The following PDE10A variants were observed in gnomAD, a reference collection of about 807,000 sequenced individuals.
PDE10A encodes cAMP and cAMP-inhibited cGMP 3',5'-cyclic phosphodiesterase 10A.
A neutral mutation model predicts 97.7 loss-of-function variants in PDE10A; 39 were observed. The ratio of observed to expected loss-of-function variants is 0.40; its 90% CI spans 0.31 to 0.52. The LOEUF (loss-of-function observed/expected upper bound fraction) is 0.52. Among genes scored for constraint, PDE10A ranks in the 20% least tolerant of loss-of-function variants. The pLI, the probability that PDE10A is intolerant of heterozygous loss-of-function variation, is 0.56. For synonymous variants in PDE10A, 371 were observed against 376.8 expected (o/e 0.98, Z 0.18); for missense variants, 731 against 1,047.8 (o/e 0.70, Z 4.17).
At chr6:165,787,807 G>A (rs1171631614) in intron 1 of PDE10A, among the ~76,000 whole-genome samples, 3 of 152,270 alleles carry the variant, frequency 2.0e-5, no homozygotes, top group East Asian at 1.9e-4. Context: ...ACTCCACTGC[G>A]AAGTCAATCT....
At chr6:165,902,030 T>C (rs13205591) in intron 1 of PDE10A, among the ~76,000 whole-genome samples, 5,228 of 152,294 alleles carry the variant, frequency 0.034, 104 homozygotes, top group Non-Finnish European at 0.048. Flanking sequence ...TGTTCTTACC[T>C]CATTTGTGTG....
chr6:165,333,838 T>G (rs1781483986), intron 21 of PDE10A, among the ~76,000 whole-genome samples: 1 of 152,202 alleles, frequency 6.6e-6, no homozygotes, highest in Non-Finnish European at 1.5e-5. Context: ...ATGGCTACCC[T>G]GGCAGAGCTC....
chr6:165,806,703 A>G (rs1044672440), intron 1 of PDE10A, among the ~76,000 whole-genome samples: 2 of 151,902 alleles, frequency 1.3e-5, no homozygotes, highest in Non-Finnish European at 2.9e-5. Context: ...AGTGCAGCCA[A>G]TGTGACTTGC....
intron 1 of PDE10A, among the ~76,000 whole-genome samples, chr6:165,598,845 C>T (rs535372005): frequency 4.6e-5 from 7 of 152,216 alleles, no homozygotes; most frequent in South Asian, 2.1e-4. Context: ...TCTTGCCAGC[C>T]GCTGGGAGGC....
chr6:165,768,001 T>C (rs551727914), intron 1 of PDE10A, among the ~76,000 whole-genome samples: 1 of 152,336 alleles, frequency 6.6e-6, no homozygotes, highest in East Asian at 1.9e-4. Context: ...TGGGACCTAA[T>C]TGTGGTTTTG....
Position 165,428,557 on chromosome 6 carries a change from T to G in PDE10A, c.1653+101A>C, listed in dbSNP as rs1350377620. Reference sequence around the variant, plus strand: ...CTAAGCCACCACATTTTCATAATATTGAAAGTGCCTGTGGATGAATAAGTT... The same window carrying G: ...CTAAGCCACCACATTTTCATAATATGGAAAGTGCCTGTGGATGAATAAGTT... On this transcript the variant is annotated intron_variant, in intron 10 of 21. Coordinates refer to ENST00000539869, the MANE Select transcript of PDE10A (RefSeq NM_001385079.1). 6 of 621,940 alleles carry G rather than the reference T, an allele frequency of 9.6e-6. No individual in the cohort carries two copies. The Admixed American group carries it at 1.5e-4, about 15-fold the overall frequency. 38.5% of individuals were successfully genotyped at this position (621,940 alleles called of 1,614,324 possible).
intron 1 of PDE10A, chr6:165,946,774 T>C (rs1011571618): frequency 6.6e-6 from 1 of 152,232 alleles, no homozygotes; most frequent in Non-Finnish European, 1.5e-5. Context: ...AGAAATTTAA[T>C]AATTAAAATA....
chr6:165,968,286 C>T (rs1269386350), intron 1 of PDE10A, among the ~76,000 whole-genome samples: 1 of 152,176 alleles, frequency 6.6e-6, no homozygotes, highest in Non-Finnish European at 1.5e-5. Flanking sequence ...ATGAAACCAT[C>T]GCAGGTCATT....
At chr6:165,840,916 A>G (rs541546840) in intron 1 of PDE10A, among the ~76,000 whole-genome samples, 1 of 152,260 alleles carries the variant, frequency 6.6e-6, no homozygotes, top group South Asian at 2.1e-4. Context: ...GGGGCTCAGC[A>G]CCCCATTTTG....
chr6:165,627,371 G>A (rs1033701), intron 1 of PDE10A, among the ~76,000 whole-genome samples: 44,767 of 151,968 alleles, frequency 0.29, 6,836 homozygotes, highest in Middle Eastern at 0.44. Flanking sequence ...ATAATTTCCC[G>A]CAAGTATACT....
At chr6:165,399,763 T>G (rs1198399071) in intron 13 of PDE10A, among the ~76,000 whole-genome samples, 2 of 152,204 alleles carry the variant, frequency 1.3e-5, no homozygotes, top group Non-Finnish European at 2.9e-5. Context: ...ACTCATCATT[T>G]TTTATGGCTG....
chr6:165,448,458 C>T (rs1791025480), intron 5 of PDE10A, among the ~76,000 whole-genome samples: 1 of 152,134 alleles, frequency 6.6e-6, no homozygotes, highest in African/African-American at 2.4e-5. Flanking sequence ...GAGCCTACTA[C>T]AGTAAGGCAG....
At chr6:165,782,888 T>C (rs1583081416) in intron 1 of PDE10A, among the ~76,000 whole-genome samples, 1 of 152,204 alleles carries the variant, frequency 6.6e-6, no homozygotes. Context: ...TGTGATTTTT[T>C]AAATGCTGCT....
chr6:165,529,847 G>T (rs1029595296), intron 2 of PDE10A, among the ~76,000 whole-genome samples: 2 of 152,144 alleles, frequency 1.3e-5, no homozygotes, highest in African/African-American at 4.8e-5. Flanking sequence ...CGCAGGAGAC[G>T]TGTATGGGTT....
At position 165,950,587 on chromosome 6, in the gene PDE10A, G is replaced by A. The variant is rs564741895; in HGVS notation, c.-615+36942C>T. 1.6e-4 allele frequency among the ~76,000 whole-genome samples: 24 copies of A among 152,292 alleles called. No individual in the cohort carries two copies. The South Asian group carries it at 2.7e-3, about 17-fold the overall frequency. ...CACAGAGTGCTTTCTGCAAGTGGGC[G>A]TTCACAGGAGACTCCCAATACCTGT... is the stretch of plus-strand genomic sequence containing the variant. On this transcript the variant is annotated intron_variant, in intron 1 of 19. Transcript: ENST00000366882.
intron 3 of PDE10A, 102 bp from the exon 4 acceptor site, chr6:165,450,464 A>G (rs1318121800): frequency 2.1e-6 from 1 of 472,096 alleles, no homozygotes; most frequent in Non-Finnish European, 3.7e-6. Context: ...GACTTAATAT[A>G]CTAAGTTATT....
chr6:165,636,047 T>C (rs1788859945), intron 1 of PDE10A, among the ~76,000 whole-genome samples: 1 of 152,244 alleles, frequency 6.6e-6, no homozygotes, highest in African/African-American at 2.4e-5. Context: ...GGGAAATCCC[T>C]TAGCTCTTGT....
chr6:165,333,277 G>A (rs1250202313), intron 21 of PDE10A, 150 bp from the exon 22 acceptor site: 10 of 622,278 alleles, frequency 1.6e-5, no homozygotes, highest in Non-Finnish European at 2.9e-5. Context: ...ACGTGGCCAG[G>A]CAGGTTCCTG....
At chr6:165,922,327 TGGGCAG>T (rs1782779978) in intron 1 of PDE10A, among the ~76,000 whole-genome samples, 1 of 151,962 alleles carries the variant, frequency 6.6e-6, no homozygotes, top group Non-Finnish European at 1.5e-5. Flanking sequence ...GTCTAATGAG[TGGGCAG>T]GGTCACCCCA....
Sources: gnomAD v4.1 joint callset for allele counts (sites outside exome capture counted in the v4.1 genomes callset) on GRCh38, gnomAD v4.1.1 for gene constraint, MANE v1.5 for transcripts, NCBI Gene and HGNC (gene_info 2026-07-23, HGNC 2026-07-21) for gene names.